TSC22D3: variants seen among roughly 807,000 people sequenced by gnomAD.
TSC22D3 encodes the protein TSC22 domain family member 3.
A neutral mutation model predicts 11.1 loss-of-function variants in TSC22D3; 4 were observed. The observed-to-expected ratio is 0.36, with a 90% CI of 0.18 to 0.83. The LOEUF (loss-of-function observed/expected upper bound fraction) is 0.83. Ranked by LOEUF, TSC22D3 falls within the 40% of genes least tolerant of loss-of-function variation. The pLI is 0.48. For synonymous variants in TSC22D3, 77 were observed against 70.3 expected, an observed-to-expected ratio of 1.10 and a Z score of -0.48; for missense variants, 118 against 159.4, an observed-to-expected ratio of 0.74 and a Z score of 1.40.
At chrX:107,768,299 C>G (rs1341385293) in intron 1 of TSC22D3, among the ~76,000 whole-genome samples, 1 of 112,050 alleles carries the variant, frequency 8.9e-6, no homozygotes, top group Non-Finnish European at 1.9e-5. Flanking sequence ...CCAGATACAT[C>G]CATCTCCATT....
chrX:107,737,864 G>C (rs12687872), intron 1 of TSC22D3, among the ~76,000 whole-genome samples: 1 of 112,178 alleles, frequency 8.9e-6, no homozygotes, highest in African/African-American at 3.2e-5. Context: ...AGAAAGCTCA[G>C]CAAAGAGATG....
At chrX:107,765,924 T>C (rs1041645256) in intron 1 of TSC22D3, among the ~76,000 whole-genome samples, 1 of 112,008 alleles carries the variant, frequency 8.9e-6, no homozygotes, top group Non-Finnish European at 1.9e-5. Flanking sequence ...CAAGAACTTA[T>C]GAGTCAGCTT....
At chrX:107,736,001 A>G (rs1365001928) in intron 1 of TSC22D3, among the ~76,000 whole-genome samples, 2 of 111,917 alleles carry the variant, frequency 1.8e-5, no homozygotes, top group African/African-American at 6.5e-5. Context: ...GGTCACACAG[A>G]CAGGTAGGGA....
At chrX:107,768,161 C>A (rs374461376) in intron 1 of TSC22D3, among the ~76,000 whole-genome samples, 2 of 112,107 alleles carry the variant, frequency 1.8e-5, no homozygotes, top group African/African-American at 6.5e-5. Flanking sequence ...GAGCAAACAG[C>A]GCAACAGCCA....
chrX:107,726,036 G>A (rs775722107), intron 1 of TSC22D3, among the ~76,000 whole-genome samples: 4 of 110,951 alleles, frequency 3.6e-5, no homozygotes, highest in Non-Finnish European at 7.6e-5. Flanking sequence ...AACCTGCTGG[G>A]GCTGACTATA....
chrX:107,753,220 G>A (rs73525037), intron 1 of TSC22D3, among the ~76,000 whole-genome samples: 2,318 of 111,112 alleles, frequency 0.021, 61 homozygotes, highest in African/African-American at 0.072. Context: ...CCAGAGAGGA[G>A]AGAGGAGGGA....
Position 107,716,597 on chromosome X carries a change from G to T in TSC22D3, c.321-647C>A. The stretch of plus-strand genomic sequence containing the variant: ...TGCTGCACCGCGGGGAACAGGGACC[G>T]GCGGCACACAGCTCGCTCAGAGACC... On this transcript the variant is annotated intron_variant, in intron 1 of 2. Coordinates refer to ENST00000372383, the MANE Select transcript of TSC22D3 (RefSeq NM_198057.3). The T allele has an allele frequency of 4.5e-6, 4 of 880,909 alleles. No individual in the cohort carries two copies. The South Asian group carries it at 1.0e-4, about 23-fold the overall frequency. 72.6% of individuals were successfully genotyped at this position (880,909 alleles called of 1,213,427 possible).
At chrX:107,723,565 C>T (rs778189498) in intron 1 of TSC22D3, among the ~76,000 whole-genome samples, 4 of 112,418 alleles carry the variant, frequency 3.6e-5, no homozygotes, top group African/African-American at 1.3e-4. Context: ...TTTGGCAATC[C>T]CAGTGTCCTG....
At chrX:107,762,286 CTAATT>C (rs1929474883) in intron 1 of TSC22D3, among the ~76,000 whole-genome samples, 1 of 111,659 alleles carries the variant, frequency 9.0e-6, no homozygotes, top group Non-Finnish European at 1.9e-5. Flanking sequence ...CCCCTTGAGA[CTAATT>C]TATCCAGGAG....
At chrX:107,751,803 G>A (rs975906383) in intron 1 of TSC22D3, among the ~76,000 whole-genome samples, 1 of 112,213 alleles carries the variant, frequency 8.9e-6, no homozygotes, top group Non-Finnish European at 1.9e-5. Context: ...TGGACAGGGT[G>A]GCTGCCTGCG....
At chrX:107,747,362 T>C (rs1190682338) in intron 1 of TSC22D3, among the ~76,000 whole-genome samples, 1 of 112,250 alleles carries the variant, frequency 8.9e-6, no homozygotes, top group East Asian at 2.8e-4. Flanking sequence ...TAGAAGGAAG[T>C]CATGGGGAAG....
At chrX:107,760,830 T>C (rs1929404953) in intron 1 of TSC22D3, among the ~76,000 whole-genome samples, 1 of 112,326 alleles carries the variant, frequency 8.9e-6, no homozygotes, top group African/African-American at 3.2e-5. Context: ...TTCTCAGTCA[T>C]TTATACCTGT....
chrX:107,734,676 T>C (rs1928041489), intron 1 of TSC22D3, among the ~76,000 whole-genome samples: 1 of 109,930 alleles, frequency 9.1e-6, no homozygotes, highest in South Asian at 3.9e-4. Context: ...GGCAGGTGAA[T>C]GTGAAGACTC....
At chrX:107,750,538 T>C (rs988898982) in intron 1 of TSC22D3, among the ~76,000 whole-genome samples, 5 of 111,223 alleles carry the variant, frequency 4.5e-5, no homozygotes, top group Non-Finnish European at 9.4e-5. Flanking sequence ...GCAAGGGGCA[T>C]TGGGCCTGAC....
intron 1 of TSC22D3, among the ~76,000 whole-genome samples, chrX:107,745,708 A>T (rs1229527747): frequency 1.8e-5 from 2 of 112,620 alleles, no homozygotes; most frequent in Admixed American, 9.4e-5. Flanking sequence ...CTTGAAAGAG[A>T]GAACCACTTA....
chrX:107,771,010 A>G (rs1259581179), intron 1 of TSC22D3, among the ~76,000 whole-genome samples: 1 of 112,388 alleles, frequency 8.9e-6, no homozygotes, highest in African/African-American at 3.2e-5. Context: ...GTTTGAGCAC[A>G]GGCAGTCCTA....
Position 107,756,715 on chromosome X carries a change from G to A in TSC22D3, c.320+18385C>T, listed in dbSNP as rs184318292. 4.1e-3 allele frequency among the ~76,000 whole-genome samples: 461 copies of A among 111,783 alleles called. 2 individuals are homozygous for A. Among genetic ancestry groups the A allele is most frequent in the African/African-American group, 0.014 (426 of 30,862 alleles). ...GGCTGGGGTTTGCAACAGAACACAA[G>A]GCCCTTATTCCTGGTCAAGTGTTCC... On this transcript the variant is annotated intron_variant, in intron 1 of 2. Coordinates refer to ENST00000372383, the MANE Select transcript of TSC22D3 (RefSeq NM_198057.3).
intron 1 of TSC22D3, among the ~76,000 whole-genome samples, chrX:107,735,592 C>T (rs1264638031): frequency 2.7e-5 from 3 of 110,731 alleles, no homozygotes; most frequent in Non-Finnish European, 3.8e-5. Context: ...TGCCAGGCGA[C>T]GGCTCCTCAC....
chrX:107,775,631 A>C lies in TSC22D3; in HGVS notation c.-212T>G. ...TGCGAATAGAAACAGCTGGACAAACAGCTCCGAGCGGATCCTTCGGGCTCA... is the reference window on the plus strand; with the variant it reads ...TGCGAATAGAAACAGCTGGACAAACCGCTCCGAGCGGATCCTTCGGGCTCA... On this transcript the variant is annotated 5_prime_UTR_variant, in exon 1 of 3. Transcript: ENST00000372383. 1 of 338,743 alleles carries C rather than the reference A, an allele frequency of 3.0e-6. No homozygotes were observed. The highest frequency in any genetic ancestry group is 7.7e-5 in the South Asian group (1 of 12,957). The allele number at this position is 338,743 out of a possible 1,213,427, so 27.9% of individuals were successfully genotyped here. A position where few individuals can be genotyped will look rare whatever the true frequency, so the allele number is the denominator to read the frequency against.
Sources: gnomAD v4.1 joint callset for allele counts (sites outside exome capture counted in the v4.1 genomes callset) on GRCh38, gnomAD v4.1.1 for gene constraint, MANE v1.5 for transcripts, NCBI Gene and HGNC (gene_info 2026-07-23, HGNC 2026-07-21) for gene names.